The following CTNND2 variants were observed in gnomAD, a reference collection of about 807,000 sequenced individuals.
The protein encoded by CTNND2 is catenin delta-2.
CTNND2 carries 22 observed loss-of-function variants against 144.4 expected under a neutral mutation model. The ratio of observed to expected loss-of-function variants is 0.15; its 90% CI spans 0.11 to 0.22. The LOEUF is 0.22. Ranked by LOEUF, CTNND2 falls within the 10% of genes least tolerant of loss-of-function variation. CTNND2 has a pLI of 1.00. For missense variants in CTNND2, 1,353 were observed against 1,618.8 expected (o/e 0.84, Z 2.82); for synonymous variants, 751 against 695.6 (o/e 1.08, Z -1.25).
chr5:11,813,982 C>A (rs1273693255), intron 1 of CTNND2, among the ~76,000 whole-genome samples: 1 of 152,214 alleles, frequency 6.6e-6, no homozygotes, highest in Non-Finnish European at 1.5e-5. Flanking sequence ...TAATCTATTA[C>A]AACTACCATG....
At chr5:11,477,374 A>G (rs948316040) in intron 3 of CTNND2, among the ~76,000 whole-genome samples, 5 of 121,922 alleles carry the variant, frequency 4.1e-5, no homozygotes, top group Non-Finnish European at 6.8e-5. Flanking sequence ...ATGAATACAC[A>G]TCACCTATTT....
chr5:11,761,027 T>C (rs536676775), intron 1 of CTNND2, among the ~76,000 whole-genome samples: 44 of 152,194 alleles, frequency 2.9e-4, no homozygotes, highest in South Asian at 6.2e-4. Flanking sequence ...GCTGGATCAA[T>C]TAGTCATTTA....
intron 1 of CTNND2, among the ~76,000 whole-genome samples, chr5:11,814,553 T>C (rs1317794215): frequency 6.6e-6 from 1 of 152,190 alleles, no homozygotes; most frequent in African/African-American, 2.4e-5. Context: ...AAAGCACACA[T>C]GGAAAAGGAA....
chr5:11,529,258 A>C (rs935033509), intron 3 of CTNND2, among the ~76,000 whole-genome samples: 12 of 152,232 alleles, frequency 7.9e-5, no homozygotes, highest in Admixed American at 5.2e-4. Flanking sequence ...AAAACAAAAC[A>C]AAACAACAAC....
At chr5:11,445,465 C>A (rs1270038427) in intron 3 of CTNND2, among the ~76,000 whole-genome samples, 1 of 152,152 alleles carries the variant, frequency 6.6e-6, no homozygotes, top group African/African-American at 2.4e-5. Context: ...GGTTGAGTGT[C>A]CCCTTCTCCT....
chr5:11,557,872 G>C (rs553718856), intron 3 of CTNND2, among the ~76,000 whole-genome samples: 25 of 152,156 alleles, frequency 1.6e-4, no homozygotes, highest in Non-Finnish European at 3.5e-4. Flanking sequence ...GGGAGTTATT[G>C]AAGAGACATA....
rs890414961 is a variant in CTNND2 at position 11,042,126 on chromosome 5, A to G, written c.2789-19147T>C. Reference sequence around the variant, plus strand: ...CAGAGAAGTGGGGGTCTGAGGACTCAGTCTGGGGCCCTGCTGCTACTGTTC... The same window carrying G: ...CAGAGAAGTGGGGGTCTGAGGACTCGGTCTGGGGCCCTGCTGCTACTGTTC... On this transcript the variant is annotated intron_variant, in intron 16 of 21. Coordinates refer to ENST00000304623, the MANE Select transcript of CTNND2 (RefSeq NM_001332.4). 2.0e-5 allele frequency among the ~76,000 whole-genome samples: 3 copies of G among 152,202 alleles called. No individual in the cohort carries two copies. In the South Asian group the frequency reaches 6.2e-4, roughly 32 times the overall value.
chr5:11,183,318 G>A (rs751038885), intron 11 of CTNND2, among the ~76,000 whole-genome samples: 5 of 152,102 alleles, frequency 3.3e-5, no homozygotes, highest in Non-Finnish European at 5.9e-5. Context: ...CGAAGCCTTA[G>A]GAAGTCTCCT....
intron 2 of CTNND2, among the ~76,000 whole-genome samples, chr5:11,658,952 G>T (rs1034946434): frequency 2.6e-5 from 4 of 152,024 alleles, no homozygotes; most frequent in African/African-American, 9.7e-5. Flanking sequence ...ATAAAACAGA[G>T]CTTATAACCA....
At chr5:11,316,037 T>C (rs528175053) in intron 9 of CTNND2, among the ~76,000 whole-genome samples, 1 of 152,288 alleles carries the variant, frequency 6.6e-6, no homozygotes, top group East Asian at 1.9e-4. Context: ...TCTTTCACAA[T>C]ACATTTTATT....
chr5:11,771,274 C>T (rs7724538), intron 1 of CTNND2, among the ~76,000 whole-genome samples: 128,100 of 149,128 alleles, frequency 0.86, 57,846 homozygotes, highest in South Asian at 0.99. Context: ...TCACTGCAAC[C>T]TCCACCTTCC....
intron 3 of CTNND2, among the ~76,000 whole-genome samples, chr5:11,522,428 C>G (rs1165404863): frequency 2.0e-5 from 3 of 152,090 alleles, no homozygotes; most frequent in Non-Finnish European, 2.9e-5. Context: ...AATAATAACC[C>G]CATCATCAAA....
In CTNND2 at chr5:11,655,534, A is replaced by G. The variant is rs562501974; in HGVS notation, c.174+76602T>C. Among the ~76,000 whole-genome samples the G allele has an allele frequency of 3.9e-5, 6 of 152,220 alleles. No individual in the cohort carries two copies. The South Asian group carries it at 1.2e-3, about 32-fold the overall frequency. The stretch of plus-strand genomic sequence containing the variant: ...GAAACTCATTATTCTTATTCTTGTC[A>G]TGATCAATCCTTCCAAGTTTACTTA... On this transcript the variant is annotated intron_variant, in intron 2 of 21. Coordinates refer to ENST00000304623, the MANE Select transcript of CTNND2 (RefSeq NM_001332.4).
chr5:11,063,216 C>T lies in CTNND2; in HGVS notation c.2788+19480G>A, dbSNP rs138938246. Among the ~76,000 whole-genome samples the T allele has an allele frequency of 2.6e-5, 4 of 151,120 alleles. No individual in the cohort carries two copies. In the East Asian group the frequency reaches 7.8e-4, roughly 29 times the overall value. ...TCGGTATTTAAATCTATAAAAACAACAAAAAAGAGAATAAAATGAGACAAC... is the reference window on the plus strand; with the variant it reads ...TCGGTATTTAAATCTATAAAAACAATAAAAAAGAGAATAAAATGAGACAAC... On this transcript the variant is annotated intron_variant, in intron 16 of 21. Transcript: ENST00000304623.
At chr5:11,107,571 C>G (rs1404695895) in intron 14 of CTNND2, among the ~76,000 whole-genome samples, 1 of 152,322 alleles carries the variant, frequency 6.6e-6, no homozygotes, top group Admixed American at 6.5e-5. Context: ...TTTGTTTAGT[C>G]TGGCAGGATC....
intron 12 of CTNND2, among the ~76,000 whole-genome samples, chr5:11,152,296 T>C (rs1757812172): frequency 6.6e-6 from 1 of 152,212 alleles, no homozygotes; most frequent in Non-Finnish European, 1.5e-5. Context: ...TGCCACTAAG[T>C]GCAAAGTATT....
At position 11,693,153 on chromosome 5, in the gene CTNND2, G is replaced by A. The variant is rs368887533; in HGVS notation, c.174+38983C>T. 3.3e-5 allele frequency among the ~76,000 whole-genome samples: 5 copies of A among 152,276 alleles called. No individual in the cohort carries two copies. In the South Asian group the frequency reaches 6.2e-4, roughly 19 times the overall value. On this transcript the variant is annotated intron_variant, in intron 2 of 21. Transcript: ENST00000304623. ...TTCCTCGTAAGGTGAAAGGGAGCAT[G>A]CTCACTCTTTCCACCAGATGAGGAC... is the stretch of plus-strand genomic sequence containing the variant.
chr5:11,136,321 T>C (rs574124686), intron 12 of CTNND2, among the ~76,000 whole-genome samples: 2 of 152,180 alleles, frequency 1.3e-5, no homozygotes, highest in South Asian at 4.2e-4. Flanking sequence ...ATCTTAGAGG[T>C]CATGAATTAA....
At chr5:11,073,456 G>A (rs539566916) in intron 16 of CTNND2, among the ~76,000 whole-genome samples, 9 of 152,300 alleles carry the variant, frequency 5.9e-5, no homozygotes, top group Non-Finnish European at 1.2e-4. Flanking sequence ...AAGCCTTTGG[G>A]CAGAAGTCCT....
Sources: allele counts gnomAD v4.1 joint callset (sites outside exome capture counted in the v4.1 genomes callset), GRCh38; gene constraint gnomAD v4.1.1; transcripts MANE v1.5; gene names NCBI Gene and HGNC (gene_info 2026-07-23, HGNC 2026-07-21).